RPS6KA4: variants seen among roughly 807,000 people sequenced by gnomAD.
RPS6KA4 encodes the protein ribosomal protein S6 kinase A4.
Under a neutral mutation model 89.6 loss-of-function variants are expected in RPS6KA4, and 38 were observed. The observed-to-expected ratio is 0.42, with a 90% CI of 0.33 to 0.56. RPS6KA4 has a LOEUF of 0.56. RPS6KA4 is among the 20% of genes least tolerant of loss of function. The pLI is 0.07. For missense variants in RPS6KA4, 873 were observed against 1,098.8 expected (o/e 0.79, Z 2.90); for synonymous variants, 495 against 492.8 (o/e 1.00, Z -0.06).
Position 64,365,585 on chromosome 11 carries a change from C to T in RPS6KA4, c.1071+120C>T, listed in dbSNP as rs2036859737. ...TGTCCTGATTGGGACTCAGCGTCTC[C>T]CCTAGACGTCGCCACTTCAGTGGGA... On this transcript the variant is annotated intron_variant, in intron 9 of 16. Transcript: ENST00000334205. 18 of 1,090,502 alleles carry T rather than the reference C, an allele frequency of 1.7e-5. 1 individual carries two copies. The South Asian group carries it at 2.7e-4, about 17-fold the overall frequency. The allele number at this position is 1,090,502 out of a possible 1,614,324, so 67.6% of individuals were successfully genotyped here. A position where few individuals can be genotyped will look rare whatever the true frequency, so the allele number is the denominator to read the frequency against.
chr11:64,360,723 T>C (rs1028687267), intron 4 of RPS6KA4, 131 bp downstream of exon 4: 5 of 774,708 alleles, frequency 6.5e-6, no homozygotes, highest in Non-Finnish European at 8.2e-6. Flanking sequence ...TGGGTGGGAA[T>C]TGGAGCTGCT....
chr11:64,368,917 A>G (rs1440309131), intron 12 of RPS6KA4, 120 bp downstream of exon 12: 2 of 952,432 alleles, frequency 2.1e-6, no homozygotes, highest in Non-Finnish European at 1.6e-6. Context: ...TCGGGGCCCA[A>G]AGGGACCAGG....
At chr11:64,360,075 C>A in intron 2 of RPS6KA4, 88 bp from the exon 3 acceptor site, 2 of 1,263,770 alleles carry the variant, frequency 1.6e-6, no homozygotes, top group Non-Finnish European at 2.2e-6. Context: ...ATTTGCACAC[C>A]CTCCTGGGTT....
Position 64,359,458 on chromosome 11 carries a change from C to G in RPS6KA4, c.127+9C>G. On this transcript the variant is annotated intron_variant, in intron 2 of 16. Coordinates refer to ENST00000334205, the MANE Select transcript of RPS6KA4 (RefSeq NM_003942.3). ...GGTGCTGGGCACGGGAGGTGAGGAC[C>G]CCCATCCACCGGGCAGGCGTCCCAG... 6.2e-7 allele frequency: 1 copy of G among 1,613,080 alleles called. No homozygotes were observed. Among genetic ancestry groups the G allele is most frequent in the East Asian group, 2.2e-5 (1 of 44,822 alleles).
At chr11:64,368,630 G>T (rs200685995) in intron 11 of RPS6KA4, 29 bp downstream of exon 11, 5 of 1,584,358 alleles carry the variant, frequency 3.2e-6, no homozygotes, top group Non-Finnish European at 4.3e-6. Context: ...GGGCAGGGGT[G>T]GGGGTGGCAG....
rs1167125963 is a variant in RPS6KA4, at chr11:64,368,529, G to A, written c.1262G>A (p.Ser421Asn). Residue 421 changes from serine to asparagine, a missense_variant, in exon 11 of 17, where the codon AGC (serine) becomes AAC (asparagine). This residue lies in a region of RPS6KA4 where 542 missense variants were observed against 736.4 expected (regional missense o/e 0.74). Transcript: ENST00000334205. Reference sequence around the variant, plus strand: ...CGGGAGCCTGCGCTGGGCCAGGGCAGCTTTTCTGTGTGTCGCCGCTGCCGC... The same window carrying A: ...CGGGAGCCTGCGCTGGGCCAGGGCAACTTTTCTGTGTGTCGCCGCTGCCGC... ...DLREPALGQG[S>N]FSVCRRCRQR... is the part of the protein sequence containing the mutation. 6.3e-7 allele frequency: 1 copy of A among 1,580,922 alleles called. No individual in the cohort carries two copies. The highest frequency in any genetic ancestry group is 8.6e-7 in the Non-Finnish European group (1 of 1,165,592).
intron 10 of RPS6KA4, 69 bp downstream of exon 10, chr11:64,368,329 C>A: frequency 1.3e-6 from 2 of 1,575,846 alleles, no homozygotes; most frequent in Admixed American, 3.7e-5. Context: ...GGACTCTAGG[C>A]CTAGATCCAA....
rs1349543228 is a variant in RPS6KA4, at chr11:64,359,222, G to C, written c.-14G>C. On this transcript the variant is annotated 5_prime_UTR_variant, in exon 1 of 17. Transcript: ENST00000334205. ...CGGAGCCCGAGCCGCGCGGGCCCCA[G>C]CGACCCGCCCGCCATGGGGGACGAG... is the stretch of plus-strand genomic sequence containing the variant. 1.8e-5 allele frequency: 24 copies of C among 1,346,336 alleles called. No homozygotes were observed. The highest frequency in any genetic ancestry group is 2.2e-5 in the Non-Finnish European group (23 of 1,039,784). The allele number at this position is 1,346,336 out of a possible 1,614,324, so 83.4% of individuals were successfully genotyped here.
Position 64,368,488 on chromosome 11 carries a change from G to A in RPS6KA4, c.1221G>A (p.Gln407=). ...AMMQDSPFFQ[Q]YELDLREPAL... Reference sequence around the variant, plus strand: ...TCCAGGACTCGCCCTTCTTCCAGCAGTACGAGCTGGACCTGCGGGAGCCTG... The same window carrying A: ...TCCAGGACTCGCCCTTCTTCCAGCAATACGAGCTGGACCTGCGGGAGCCTG... Residue 407 remains glutamine (Q), a synonymous_variant, in exon 11 of 17, where the codon CAG becomes CAA. Coordinates refer to ENST00000334205, the MANE Select transcript of RPS6KA4 (RefSeq NM_003942.3). 6.4e-7 allele frequency: 1 copy of A among 1,556,042 alleles called. No individual in the cohort carries two copies. Among genetic ancestry groups the A allele is most frequent in the Non-Finnish European group, 8.7e-7 (1 of 1,150,692 alleles).
rs772065473 is a variant in RPS6KA4 at position 64,368,504 on chromosome 11, C to A, written c.1237C>A (p.Arg413=). ...CTTCCAGCAGTACGAGCTGGACCTGCGGGAGCCTGCGCTGGGCCAGGGCAG... is the reference window on the plus strand; with the variant it reads ...CTTCCAGCAGTACGAGCTGGACCTGAGGGAGCCTGCGCTGGGCCAGGGCAG... ...PFFQQYELDL[R]EPALGQGSFS... The change falls in exon 11 of 17, where the codon CGG becomes AGG. Residue 413 remains arginine, a synonymous_variant. Coordinates refer to ENST00000334205, the MANE Select transcript of RPS6KA4 (RefSeq NM_003942.3). 4 of 1,562,158 alleles carry A rather than the reference C, an allele frequency of 2.6e-6. No homozygotes were observed. The African/African-American group carries it at 5.4e-5, about 21-fold the overall frequency.
Position 64,371,835 on chromosome 11 carries a change from A to G in RPS6KA4, c.*355A>G. 1 of 188,444 alleles carries G rather than the reference A, an allele frequency of 5.3e-6. No individual in the cohort carries two copies. The highest frequency in any genetic ancestry group is 1.1e-5 in the Non-Finnish European group (1 of 92,442). 11.7% of individuals were successfully genotyped at this position (188,444 alleles called of 1,614,324 possible). On this transcript the variant is annotated 3_prime_UTR_variant, in exon 17 of 17. Coordinates refer to ENST00000334205, the MANE Select transcript of RPS6KA4 (RefSeq NM_003942.3). ...TAGGAGTGCTAACTCCTAAACTGGGACCCCCTACCCTGTTCTCCCCTGAGG... is the reference window on the plus strand; with the variant it reads ...TAGGAGTGCTAACTCCTAAACTGGGGCCCCCTACCCTGTTCTCCCCTGAGG...
rs901769087 is a variant in RPS6KA4 at position 64,370,923 on chromosome 11, G to A, written c.2121+197G>A. 3.3e-5 allele frequency among the ~76,000 whole-genome samples: 5 copies of A among 152,026 alleles called. No homozygotes were observed. Among genetic ancestry groups the A allele is most frequent in the Non-Finnish European group, 7.4e-5 (5 of 67,988 alleles). ...GTTCGAGACCAGCCTGAACAACATGGTGAAACCCCGTCTCTTCTAAAAAGA... is the reference window on the plus strand; with the variant it reads ...GTTCGAGACCAGCCTGAACAACATGATGAAACCCCGTCTCTTCTAAAAAGA... On this transcript the variant is annotated intron_variant, in intron 16 of 16. Transcript: ENST00000334205. The surrounding 1 kb of genome is among the most constrained non-coding windows in gnomAD (Gnocchi z 4.1).
At chr11:64,360,059 C>T (rs1448871531) in intron 2 of RPS6KA4, 104 bp from the exon 3 acceptor site, 2 of 1,093,938 alleles carry the variant, frequency 1.8e-6, no homozygotes, top group Non-Finnish European at 2.6e-6. Flanking sequence ...CCAGCTCCTT[C>T]GCCTCATTTG....
In RPS6KA4 at chr11:64,369,867, G is replaced by A. The variant is rs2037010403; in HGVS notation, c.1771G>A (p.Asp591Asn). The change falls in exon 14 of 17, where the codon GAC becomes AAC. Residue 591 changes from aspartate (D) to asparagine (N), a missense_variant. This residue lies in a region of RPS6KA4 where 278 missense variants were observed against 284.8 expected (regional missense o/e 0.98). Coordinates refer to ENST00000334205, the MANE Select transcript of RPS6KA4 (RefSeq NM_003942.3). ...LAQQGYDESC[D>N]LWSLGVILYM... ...GCAGCAGGGCTACGACGAGTCCTGC[G>A]ACCTCTGGAGCCTGGGCGTCATTCT... 6.4e-7 allele frequency: 1 copy of A among 1,558,494 alleles called. No individual in the cohort carries two copies. The highest frequency in any genetic ancestry group is 1.4e-5 in the African/African-American group (1 of 73,328).
rs1271365791 is a variant in RPS6KA4, at chr11:64,361,571, G to A, written c.651+22G>A. 6.2e-7 allele frequency: 1 copy of A among 1,613,962 alleles called. No individual in the cohort carries two copies. The highest frequency in any genetic ancestry group is 8.5e-7 in the Non-Finnish European group (1 of 1,179,976). ...CAAGGTAGGTTGGCAGGGAAGTGGG[G>A]CTGGGGGAGGTGGAAAGGTGGGGTG... On this transcript the variant is annotated intron_variant, in intron 6 of 16. Coordinates refer to ENST00000334205, the MANE Select transcript of RPS6KA4 (RefSeq NM_003942.3). This position sits in a 1 kb window ranked among gnomAD's most constrained non-coding sequence, Gnocchi z 4.7.
chr11:64,364,159 T>A (rs1434273425), intron 8 of RPS6KA4, among the ~76,000 whole-genome samples: 2 of 1,308 alleles, frequency 1.5e-3, no homozygotes, highest in Non-Finnish European at 2.8e-3. Flanking sequence ...TTTTTTTAAT[T>A]TTTTTTTTAT....
chr11:64,359,214 G>C lies in RPS6KA4; in HGVS notation c.-22G>C, dbSNP rs1359337335. On this transcript the variant is annotated 5_prime_UTR_variant, in exon 1 of 17. Coordinates refer to ENST00000334205, the MANE Select transcript of RPS6KA4 (RefSeq NM_003942.3). ...GCGCCGCCCGGAGCCCGAGCCGCGC[G>C]GGCCCCAGCGACCCGCCCGCCATGG... The C allele has an allele frequency of 7.6e-7, 1 of 1,319,870 alleles. No individual in the cohort carries two copies. The highest frequency in any genetic ancestry group is 3.1e-5 in the East Asian group (1 of 32,106). 81.8% of individuals were successfully genotyped at this position (1,319,870 alleles called of 1,614,324 possible).
Position 64,360,204 on chromosome 11 carries a change from G to A in RPS6KA4, c.169G>A (p.Asp57Asn). 6.5e-7 allele frequency: 1 copy of A among 1,548,240 alleles called. No individual in the cohort carries two copies. Among genetic ancestry groups the A allele is most frequent in the Non-Finnish European group, 8.7e-7 (1 of 1,146,856 alleles). Residue 57 changes from aspartate to asparagine, a missense_variant, in exon 3 of 17, where the codon GAC becomes AAC. By Grantham distance (23) the Asp-to-Asn change is conservative. Coordinates refer to ENST00000334205, the MANE Select transcript of RPS6KA4 (RefSeq NM_003942.3). Reference protein sequence around the residue: ...VFLVRKAGGHDAGKLYAMKVL... With the variant: ...VFLVRKAGGHNAGKLYAMKVL... ...CCTGGTGCGGAAGGCGGGCGGGCAC[G>A]ACGCGGGGAAGCTGTACGCCATGAA...
At position 64,361,156 on chromosome 11, in the gene RPS6KA4, T is replaced by A. The variant is rs1454598017; in HGVS notation, c.485T>A (p.Leu162Gln). The A allele has an allele frequency of 6.2e-7, 1 of 1,613,156 alleles. No individual in the cohort carries two copies. The highest frequency in any genetic ancestry group is 1.7e-5 in the Admixed American group (1 of 59,992). Residue 162 changes from leucine (L) to glutamine (Q), a missense_variant, in exon 5 of 17, where the codon CTG becomes CAG. Physicochemically the swap from Leu to Gln is moderately radical, Grantham distance 113. Around this residue, in one of 4 missense-constraint regions of RPS6KA4, gnomAD observed 542 missense variants for 736.4 expected, o/e 0.74. Coordinates refer to ENST00000334205, the MANE Select transcript of RPS6KA4 (RefSeq NM_003942.3). This position sits in a 1 kb window ranked among gnomAD's most constrained non-coding sequence, Gnocchi z 4.7. ...CAGCTCGGCATCATTTACCGAGACC[T>A]GAAACTGGAGAATGTGCTGCTGGAC... ...LHKLGIIYRD[L>Q]KLENVLLDSE... is the part of the protein sequence containing the mutation.
Sources: gnomAD v4.1 joint callset for allele counts (sites outside exome capture counted in the v4.1 genomes callset) on GRCh38, gnomAD v4.1.1 for gene constraint, gnomAD v4.1.1 regional missense constraint, Gnocchi (gnomAD v3.1) non-coding constraint, MANE v1.5 for transcripts, NCBI Gene and HGNC (gene_info 2026-07-23, HGNC 2026-07-21) for gene names.